Variants in CHSY1 observed in about 807,000 individuals in gnomAD.
CHSY1 encodes the protein N-acetylgalactosaminyl-proteoglycan 3-beta-glucuronosyltransferase 1.
CHSY1 carries 13 observed loss-of-function variants against 59.8 expected under a neutral mutation model. The observed-to-expected ratio is 0.22, with a 90% CI of 0.14 to 0.35. The LOEUF is 0.35. Among genes scored for constraint, CHSY1 ranks in the 10% least tolerant of loss-of-function variants. CHSY1 has a pLI of 1.00. For missense variants in CHSY1, 947 were observed against 1,030.6 expected (o/e 0.92, Z 1.11); for synonymous variants, 459 against 401.2 (o/e 1.14, Z -1.72).
chr15:101,216,986 T>C (rs1264175544), intron 2 of CHSY1, among the ~76,000 whole-genome samples: 1 of 152,184 alleles, frequency 6.6e-6, no homozygotes, highest in Non-Finnish European at 1.5e-5. Context: ...ACAATCTCAC[T>C]GAAGTGGGCA....
At chr15:101,196,782 G>A (rs908583374) in intron 2 of CHSY1, among the ~76,000 whole-genome samples, 1 of 152,176 alleles carries the variant, frequency 6.6e-6, no homozygotes, top group Admixed American at 6.5e-5. Flanking sequence ...CCAGCACTTT[G>A]GGAGGTCAAG....
intron 2 of CHSY1, among the ~76,000 whole-genome samples, chr15:101,218,546 C>T (rs1005768629): frequency 2.0e-5 from 3 of 152,132 alleles, no homozygotes; most frequent in South Asian, 2.1e-4. Flanking sequence ...ACCTGGGAGG[C>T]GGAGGTTGCA....
intron 2 of CHSY1, among the ~76,000 whole-genome samples, chr15:101,218,214 G>A (rs1045169717): frequency 6.6e-6 from 1 of 152,210 alleles, no homozygotes; most frequent in African/African-American, 2.4e-5. Flanking sequence ...GAAGCCTGGA[G>A]ATATGACAAT....
rs1249175245 is a variant in CHSY1 at position 101,176,785 on chromosome 15, G to T, written c.*603C>A. ...CATTCCAGCCTGGGTAACAGAGTGAGACTCCGTCTCAAAAAAAGAACAAAA... is the reference window on the plus strand; with the variant it reads ...CATTCCAGCCTGGGTAACAGAGTGATACTCCGTCTCAAAAAAAGAACAAAA... On this transcript the variant is annotated 3_prime_UTR_variant, in exon 3 of 3. Transcript: ENST00000254190. 5.4e-6 allele frequency: 1 copy of T among 184,400 alleles called. No homozygotes were observed. The highest frequency in any genetic ancestry group is 1.1e-5 in the Non-Finnish European group (1 of 90,358). 11.4% of individuals were successfully genotyped at this position (184,400 alleles called of 1,614,324 possible).
At chr15:101,214,499 T>C (rs1415891025) in intron 2 of CHSY1, among the ~76,000 whole-genome samples, 1 of 152,240 alleles carries the variant, frequency 6.6e-6, no homozygotes, top group Non-Finnish European at 1.5e-5. Context: ...GTGTATATCC[T>C]CAATAACTGC....
At chr15:101,217,647 C>A (rs2038748110) in intron 2 of CHSY1, among the ~76,000 whole-genome samples, 2 of 152,126 alleles carry the variant, frequency 1.3e-5, no homozygotes, top group Non-Finnish European at 2.9e-5. Flanking sequence ...ACTGAAAGAG[C>A]ACCCAGTGGA....
chr15:101,180,816 T>C (rs1315580913), intron 2 of CHSY1, among the ~76,000 whole-genome samples: 3 of 152,166 alleles, frequency 2.0e-5, no homozygotes, highest in South Asian at 2.1e-4. Context: ...TCTTTTTACT[T>C]TGCTCCTTCT....
Position 101,177,565 on chromosome 15 carries a change from GTGGACT to G in CHSY1, c.2226_2231del (p.Val745_His746del). ...GATCACAAAAGACAGGATGGTGGACGTGGACTACTCCTACTTCCTGGCTCCTAAACG... is the reference window on the plus strand; with the variant it reads ...GATCACAAAAGACAGGATGGTGGACGACTCCTACTTCCTGGCTCCTAAACG... On this transcript the variant is annotated inframe_deletion, in exon 3 of 3. Coordinates refer to ENST00000254190, the MANE Select transcript of CHSY1 (RefSeq NM_014918.5). 6.2e-7 allele frequency: 1 copy of G among 1,614,118 alleles called. No homozygotes were observed. The highest frequency in any genetic ancestry group is 1.1e-5 in the South Asian group (1 of 91,076).
intron 2 of CHSY1, among the ~76,000 whole-genome samples, chr15:101,192,101 G>A (rs904230942): frequency 1.3e-5 from 2 of 152,170 alleles, no homozygotes; most frequent in Non-Finnish European, 2.9e-5. Context: ...TCTGCTATGA[G>A]ATACCATACT....
intron 2 of CHSY1, chr15:101,189,359 T>C: frequency 1.3e-6 from 1 of 771,332 alleles, no homozygotes; most frequent in Non-Finnish European, 1.6e-6. Context: ...GAGAACGTGA[T>C]ATAAGCTCTA....
chr15:101,238,740 G>T (rs985024980), intron 1 of CHSY1, among the ~76,000 whole-genome samples: 7 of 152,060 alleles, frequency 4.6e-5, no homozygotes, highest in Non-Finnish European at 1.0e-4. Flanking sequence ...CAAAGAACAA[G>T]AATAACAACA....
At chr15:101,247,953 T>C (rs2039067656) in intron 1 of CHSY1, among the ~76,000 whole-genome samples, 1 of 152,212 alleles carries the variant, frequency 6.6e-6, no homozygotes, top group Non-Finnish European at 1.5e-5. Flanking sequence ...TTCACCTAAA[T>C]TCTGACATTT....
chr15:101,190,757 A>C (rs1238617852), intron 2 of CHSY1, among the ~76,000 whole-genome samples: 1 of 152,246 alleles, frequency 6.6e-6, no homozygotes, highest in African/African-American at 2.4e-5. Context: ...ATAGGAAAAC[A>C]ACCCAATTAA....
At chr15:101,194,784 G>A (rs1327183112) in intron 2 of CHSY1, among the ~76,000 whole-genome samples, 1 of 152,136 alleles carries the variant, frequency 6.6e-6, no homozygotes, top group Non-Finnish European at 1.5e-5. Context: ...TGTATGCATG[G>A]GTTGGGTTGG....
chr15:101,245,012 T>C (rs982455315), intron 1 of CHSY1, among the ~76,000 whole-genome samples: 6 of 152,166 alleles, frequency 3.9e-5, no homozygotes, highest in African/African-American at 7.2e-5. Context: ...CAAGCGTCCC[T>C]CAACAGGTAC....
At chr15:101,245,423 G>A (rs2141281843) in intron 1 of CHSY1, among the ~76,000 whole-genome samples, 1 of 152,340 alleles carries the variant, frequency 6.6e-6, no homozygotes, top group Non-Finnish European at 1.5e-5. Context: ...CCCACTGGGT[G>A]TAAGCCTCTT....
At chr15:101,230,676 C>T (rs2038884548) in intron 2 of CHSY1, among the ~76,000 whole-genome samples, 1 of 152,188 alleles carries the variant, frequency 6.6e-6, no homozygotes, top group African/African-American at 2.4e-5. Flanking sequence ...TCTTTTTACA[C>T]ATTTTGCTGC....
At chr15:101,181,595 C>T (rs1031666125) in intron 2 of CHSY1, among the ~76,000 whole-genome samples, 5 of 152,328 alleles carry the variant, frequency 3.3e-5, no homozygotes, top group South Asian at 4.1e-4. Context: ...CTCTCTCCAG[C>T]CCCACTGGGT....
At chr15:101,216,535 T>C (rs1216299948) in intron 2 of CHSY1, among the ~76,000 whole-genome samples, 1 of 152,232 alleles carries the variant, frequency 6.6e-6, no homozygotes, top group Non-Finnish European at 1.5e-5. Flanking sequence ...TGGAATAATA[T>C]TCAGTGATTA....
Sources: allele counts gnomAD v4.1 joint callset (sites outside exome capture counted in the v4.1 genomes callset), GRCh38; gene constraint gnomAD v4.1.1; transcripts MANE v1.5; gene names NCBI Gene and HGNC (gene_info 2026-07-23, HGNC 2026-07-21).